The following GPLD1 variants were observed in gnomAD, a reference collection of about 807,000 sequenced individuals.
GPLD1 encodes the protein phosphatidylinositol-glycan-specific phospholipase D.
Under a neutral mutation model 112.6 loss-of-function variants are expected in GPLD1, and 84 were observed. The observed-to-expected ratio is 0.75, with a 90% CI of 0.63 to 0.89. The LOEUF is 0.89. GPLD1 is among the 40% of genes least tolerant of loss of function. The pLI is 0.00. For synonymous variants in GPLD1, 386 were observed against 403.8 expected (o/e 0.96, Z 0.53); for missense variants, 1,044 against 1,051.5 (o/e 0.99, Z 0.10).
chr6:24,475,005 TG>T (rs1733980438), intron 5 of GPLD1, 115 bp downstream of exon 5: 1 of 620,488 alleles, frequency 1.6e-6, no homozygotes, highest in Non-Finnish European at 2.9e-6. Flanking sequence ...AACACTGCTT[TG>T]GGCAGAAGTC....
chr6:24,436,229 C>G (rs1201843173), intron 22 of GPLD1, among the ~76,000 whole-genome samples: 1 of 152,196 alleles, frequency 6.6e-6, no homozygotes, highest in Non-Finnish European at 1.5e-5. Context: ...GCACTCCAGC[C>G]TGGGCAATGG....
In GPLD1 at chr6:24,467,258, C is replaced by A. The variant is rs1325796323; in HGVS notation, c.562G>T (p.Asp188Tyr). Reference sequence around the variant, plus strand: ...AGTTTCTCATAAATTCCCAGTAGATCTTTGACTGGCACATACCTGAAAAAT... The same window carrying A: ...AGTTTCTCATAAATTCCCAGTAGATATTTGACTGGCACATACCTGAAAAAT... ...LARRWYVPVK[D>Y]LLGIYEKLYG... is the part of the protein sequence containing the mutation. The change falls in exon 8 of 25, where the codon GAT becomes TAT. Residue 188 changes from aspartate (D) to tyrosine (Y), a missense_variant. Asp to Tyr is a radical substitution (Grantham distance 160). Coordinates refer to ENST00000230036, the MANE Select transcript of GPLD1 (RefSeq NM_001503.4). 1.9e-6 allele frequency: 3 copies of A among 1,581,038 alleles called. No homozygotes were observed. Among genetic ancestry groups the A allele is most frequent in the Non-Finnish European group, 8.7e-7 (1 of 1,150,046 alleles).
chr6:24,433,483 A>ATT, intron 22 of GPLD1, 94 bp from the exon 23 acceptor site: 5 of 508,938 alleles, frequency 9.8e-6, no homozygotes, highest in South Asian at 6.1e-5. Flanking sequence ...CCTCATTTCT[A>ATT]CTTTTTTTTT....
chr6:24,454,628 AATAGACTATGT>A lies in GPLD1; in HGVS notation c.1149-438_1149-428del, dbSNP rs1763207196. ...TCTGATCAAAGACGAGCTTGTGTGA[AATAGACTATGT>A]TTTTACCACAGCCACAAAGGCACCT... is the stretch of plus-strand genomic sequence containing the variant. On this transcript the variant is annotated intron_variant, in intron 13 of 24. Transcript: ENST00000230036. Among the ~76,000 whole-genome samples, 3 of 152,104 alleles carry A rather than the reference AATAGACTATGT, an allele frequency of 2.0e-5. No individual in the cohort carries two copies. The South Asian group carries it at 6.2e-4, about 31-fold the overall frequency.
intron 1 of GPLD1, among the ~76,000 whole-genome samples, chr6:24,487,742 T>TG (rs1196235373): frequency 6.6e-6 from 1 of 152,252 alleles, no homozygotes; most frequent in Admixed American, 6.5e-5. Flanking sequence ...ACTGGATGGC[T>TG]GGAACTAGAA....
intron 12 of GPLD1, among the ~76,000 whole-genome samples, chr6:24,458,269 C>T (rs115406701): frequency 0.016 from 2,506 of 152,234 alleles, 32 homozygotes; most frequent in African/African-American, 0.041. Flanking sequence ...CTTTCAGGCA[C>T]GAGTATGCCT....
At chr6:24,436,357 A>T (rs1180242363) in intron 22 of GPLD1, among the ~76,000 whole-genome samples, 1 of 152,244 alleles carries the variant, frequency 6.6e-6, no homozygotes, top group Non-Finnish European at 1.5e-5. Flanking sequence ...AGGGACCTAC[A>T]TAACACCAAG....
At chr6:24,466,961 T>G in intron 8 of GPLD1, 22 bp from the exon 9 acceptor site, 1 of 1,603,876 alleles carries the variant, frequency 6.2e-7, no homozygotes, top group Non-Finnish European at 8.5e-7. Flanking sequence ...ACAATAATTT[T>G]GGCTGTGAGT....
intron 15 of GPLD1, among the ~76,000 whole-genome samples, 192 bp downstream of exon 15, chr6:24,449,597 A>G (rs1055928765): frequency 1.3e-5 from 2 of 152,210 alleles, no homozygotes; most frequent in African/African-American, 4.8e-5. Flanking sequence ...GGGAGGCAGC[A>G]GCAGGTGCTA....
Position 24,467,035 on chromosome 6 carries a change from C to T in GPLD1, c.654-96G>A, listed in dbSNP as rs537354488. 3.0e-5 allele frequency: 35 copies of T among 1,156,104 alleles called. No individual in the cohort carries two copies. The South Asian group carries it at 3.5e-4, about 12-fold the overall frequency. The allele number at this position is 1,156,104 out of a possible 1,614,324, so 71.6% of individuals were successfully genotyped here. On this transcript the variant is annotated intron_variant, in intron 8 of 24. Coordinates refer to ENST00000230036, the MANE Select transcript of GPLD1 (RefSeq NM_001503.4). ...AAAAGTTCCATCCACCCTTTTCCAC[C>T]GTCATGCAACTGCCTTTGAATAAGC...
chr6:24,462,654 G>A (rs114734335), intron 11 of GPLD1, 76 bp downstream of exon 11: 12,054 of 898,062 alleles, frequency 0.013, 126 homozygotes, highest in Middle Eastern at 0.059. Context: ...AACAGATCCC[G>A]TGTTCTCAAC....
chr6:24,439,376 T>TA (rs1248727752), intron 20 of GPLD1, among the ~76,000 whole-genome samples: 2 of 152,206 alleles, frequency 1.3e-5, no homozygotes, highest in Non-Finnish European at 2.9e-5. Context: ...ATGTCAGCTC[T>TA]TCAAAAGTAC....
intron 1 of GPLD1, among the ~76,000 whole-genome samples, chr6:24,487,288 G>C (rs1187626395): frequency 6.6e-6 from 1 of 152,004 alleles, no homozygotes; most frequent in African/African-American, 2.4e-5. Flanking sequence ...ATGAAAAAGT[G>C]AACCAAAATA....
chr6:24,436,149 G>T (rs919049683), intron 22 of GPLD1, among the ~76,000 whole-genome samples: 1 of 152,004 alleles, frequency 6.6e-6, no homozygotes, highest in Non-Finnish European at 1.5e-5. Flanking sequence ...CTAGCTACTC[G>T]GGAGGCTGAG....
intron 14 of GPLD1, among the ~76,000 whole-genome samples, chr6:24,451,203 T>A (rs1238787780): frequency 6.6e-6 from 1 of 152,180 alleles, no homozygotes; most frequent in Non-Finnish European, 1.5e-5. Context: ...ACTTTAACAG[T>A]GTACAGATGG....
In GPLD1 at chr6:24,429,002, T is replaced by A; in HGVS notation, c.*30A>T. 1 of 1,453,214 alleles carries A rather than the reference T, an allele frequency of 6.9e-7. No individual in the cohort carries two copies. The highest frequency in any genetic ancestry group is 9.6e-7 in the Non-Finnish European group (1 of 1,037,756). 90.0% of individuals were successfully genotyped at this position (1,453,214 alleles called of 1,614,324 possible). A position where few individuals can be genotyped will look rare whatever the true frequency, so the allele number is the denominator to read the frequency against. On this transcript the variant is annotated 3_prime_UTR_variant, in exon 25 of 25. Transcript: ENST00000230036. The stretch of plus-strand genomic sequence containing the variant: ...TGGATGTGATTCAGCATGAGAGAGG[T>A]GGGCAGAGTGGGGAAATGCAGTGAA...
intron 23 of GPLD1, 57 bp from the exon 24 acceptor site, chr6:24,433,294 C>T (rs1762463382): frequency 4.4e-6 from 7 of 1,581,944 alleles, no homozygotes; most frequent in Admixed American, 3.3e-5. Flanking sequence ...ATACTTTATC[C>T]GTTTAAAATA....
intron 7 of GPLD1, 56 bp downstream of exon 7, chr6:24,472,526 G>T: frequency 1.0e-6 from 1 of 975,174 alleles, no homozygotes; most frequent in Non-Finnish European, 1.6e-6. Flanking sequence ...AAGAAAAAAA[G>T]TCAAGGCTCT....
chr6:24,455,339 A>G (rs1297694308), intron 13 of GPLD1, among the ~76,000 whole-genome samples: 2 of 152,046 alleles, frequency 1.3e-5, no homozygotes, highest in African/African-American at 4.8e-5. Flanking sequence ...GACAGCATTC[A>G]CCTCCCCATC....
Sources: gnomAD v4.1 joint callset for allele counts (sites outside exome capture counted in the v4.1 genomes callset) on GRCh38, gnomAD v4.1.1 for gene constraint, MANE v1.5 for transcripts, NCBI Gene and HGNC (gene_info 2026-07-23, HGNC 2026-07-21) for gene names.